The following YWHAG variants were observed in gnomAD, a reference collection of about 807,000 sequenced individuals.
YWHAG encodes tyrosine 3-monooxygenase/tryptophan 5-monooxygenase activation protein gamma.
YWHAG carries 1 observed loss-of-function variant against 23.3 expected under a neutral mutation model. The observed-to-expected ratio is 0.04, with a 90% CI of 0.02 to 0.20. The LOEUF is 0.20. Among genes scored for constraint, YWHAG ranks in the 10% least tolerant of loss-of-function variants. The probability of loss-of-function intolerance (pLI) is 1.00; values close to 1 mark genes in which losing one functional copy is unlikely to be tolerated. For synonymous variants in YWHAG, 160 were observed against 144.0 expected (o/e 1.11, Z -0.80); for missense variants, 151 against 338.6 (o/e 0.45, Z 4.35).
At chr7:76,333,722 T>C (rs935682068) in intron 1 of YWHAG, among the ~76,000 whole-genome samples, 4 of 152,260 alleles carry the variant, frequency 2.6e-5, no homozygotes, top group Admixed American at 2.0e-4. Flanking sequence ...TCTGGCATAC[T>C]TTACTGAGTG....
intron 1 of YWHAG, among the ~76,000 whole-genome samples, chr7:76,342,982 C>T (rs1397605387): frequency 6.6e-6 from 1 of 151,994 alleles, no homozygotes; most frequent in Admixed American, 6.6e-5. Context: ...ACTAAAAATA[C>T]AAAAATTAGC....
chr7:76,352,383 T>G (rs1041895373), intron 1 of YWHAG, among the ~76,000 whole-genome samples: 1 of 151,788 alleles, frequency 6.6e-6, no homozygotes, highest in African/African-American at 2.4e-5. Flanking sequence ...AGGTTGGGGG[T>G]GGATCAGTGA....
intron 1 of YWHAG, among the ~76,000 whole-genome samples, chr7:76,331,850 A>AT (rs991876153): frequency 1.5e-4 from 23 of 151,674 alleles, no homozygotes; most frequent in Non-Finnish European, 2.7e-4. Context: ...AAAAAAAAAA[A>AT]TTTTTTTTCT....
rs200070734 is a variant in YWHAG, at chr7:76,329,180, C to CGA, written c.*395_*396dup. ...CAGATGAGATAGAAAGTACCCAAAA[C>CGA]GAGAGACGAGAGCGTATGTACATAA... On this transcript the variant is annotated 3_prime_UTR_variant, in exon 2 of 2. Transcript: ENST00000307630. This position sits in a 1 kb window ranked among gnomAD's most constrained non-coding sequence, Gnocchi z 6.1. The CGA allele has an allele frequency of 0.014, 2,611 of 183,032 alleles. 41 individuals carry two copies. Among genetic ancestry groups the CGA allele is most frequent in the South Asian group, 0.049 (392 of 8,074 alleles). The allele number at this position is 183,032 out of a possible 1,614,324, so 11.3% of individuals were successfully genotyped here.
intron 1 of YWHAG, among the ~76,000 whole-genome samples, chr7:76,356,089 C>G (rs1258390571): frequency 6.6e-6 from 1 of 152,202 alleles, no homozygotes; most frequent in Non-Finnish European, 1.5e-5. Flanking sequence ...TCATTAAACT[C>G]AAATAAATTT....
intron 1 of YWHAG, among the ~76,000 whole-genome samples, chr7:76,339,868 T>C (rs1209670462): frequency 6.6e-6 from 1 of 152,092 alleles, no homozygotes; most frequent in African/African-American, 2.4e-5. Flanking sequence ...GCGGGTGAAT[T>C]GCCTGAGCTC....
At chr7:76,332,252 A>C (rs995845891) in intron 1 of YWHAG, among the ~76,000 whole-genome samples, 3 of 152,214 alleles carry the variant, frequency 2.0e-5, no homozygotes, top group Non-Finnish European at 4.4e-5. Context: ...GCACTTCTGC[A>C]AACACTCCTC....
chr7:76,343,809 CT>C (rs1340391454), intron 1 of YWHAG, among the ~76,000 whole-genome samples: 2 of 152,172 alleles, frequency 1.3e-5, no homozygotes, highest in Admixed American at 6.5e-5. Flanking sequence ...GTGAAGAAGC[CT>C]GGGTTAACCT....
At chr7:76,346,269 C>G (rs7779014) in intron 1 of YWHAG, among the ~76,000 whole-genome samples, 6 of 151,988 alleles carry the variant, frequency 3.9e-5, no homozygotes, top group African/African-American at 1.5e-4. Flanking sequence ...CCAGTCACTA[C>G]TTAAGTGCCA....
At chr7:76,354,150 G>T (rs1243309768) in intron 1 of YWHAG, among the ~76,000 whole-genome samples, 1 of 151,532 alleles carries the variant, frequency 6.6e-6, no homozygotes, top group African/African-American at 2.4e-5. Context: ...TTCAAAAGAA[G>T]GCAAAGAGAA....
Position 76,329,489 on chromosome 7 carries a change from T to TGCCCCCC in YWHAG, c.*87_*88insGGGGGGC. On this transcript the variant is annotated 3_prime_UTR_variant, in exon 2 of 2. Coordinates refer to ENST00000307630, the MANE Select transcript of YWHAG (RefSeq NM_012479.4). The surrounding 1 kb of genome is among the most constrained non-coding windows in gnomAD (Gnocchi z 6.1). Reference sequence around the variant, plus strand: ...TCCCTGGGAAGGTCATCCCTCCCTTTCCCTCCCCCACCCGACCCCCAACTC... The same window carrying TGCCCCCC: ...TCCCTGGGAAGGTCATCCCTCCCTTTGCCCCCCCCCTCCCCCACCCGACCCCCAACTC... 13 of 1,024,214 alleles carry TGCCCCCC rather than the reference T, an allele frequency of 1.3e-5. No individual in the cohort carries two copies. Among genetic ancestry groups the TGCCCCCC allele is most frequent in the East Asian group, 3.5e-5 (1 of 28,686 alleles). 63.4% of individuals were successfully genotyped at this position (1,024,214 alleles called of 1,614,324 possible). A position where few individuals can be genotyped will look rare whatever the true frequency, so the allele number is the denominator to read the frequency against.
At chr7:76,338,072 T>C (rs1205633704) in intron 1 of YWHAG, among the ~76,000 whole-genome samples, 1 of 152,082 alleles carries the variant, frequency 6.6e-6, no homozygotes, top group Non-Finnish European at 1.5e-5. Flanking sequence ...CCATCTAGTA[T>C]ATACATCACA....
chr7:76,329,548 CCG>C lies in YWHAG; in HGVS notation c.*27_*28del. The C allele has an allele frequency of 7.4e-7, 1 of 1,358,640 alleles. No individual in the cohort carries two copies. Among genetic ancestry groups the C allele is most frequent in the Non-Finnish European group, 9.8e-7 (1 of 1,022,400 alleles). The allele number at this position is 1,358,640 out of a possible 1,614,324, so 84.2% of individuals were successfully genotyped here. A position where few individuals can be genotyped will look rare whatever the true frequency, so the allele number is the denominator to read the frequency against. On this transcript the variant is annotated 3_prime_UTR_variant, in exon 2 of 2. Transcript: ENST00000307630. This position sits in a 1 kb window ranked among gnomAD's most constrained non-coding sequence, Gnocchi z 6.1. ...AAAATAAAGACTGCAGTAGTAGCAT[CCG>C]CGTGCGCTGCCAGTTCCCCTGGGGC...
chr7:76,340,145 T>A lies in YWHAG; in HGVS notation c.88-9912A>T, dbSNP rs184260005. Among the ~76,000 whole-genome samples, 772 of 152,152 alleles carry A rather than the reference T, an allele frequency of 5.1e-3. 6 individuals carry two copies. The highest frequency in any genetic ancestry group is 6.7e-3 in the Non-Finnish European group (452 of 67,968). ...ACAAACAAAAAACAAACAAAAAGGTTACACATGGGATTTGATTGTGCCCCT... is the reference window on the plus strand; with the variant it reads ...ACAAACAAAAAACAAACAAAAAGGTAACACATGGGATTTGATTGTGCCCCT... On this transcript the variant is annotated intron_variant, in intron 1 of 1. Coordinates refer to ENST00000307630, the MANE Select transcript of YWHAG (RefSeq NM_012479.4).
At chr7:76,346,846 G>A (rs1803785856) in intron 1 of YWHAG, among the ~76,000 whole-genome samples, 1 of 152,072 alleles carries the variant, frequency 6.6e-6, no homozygotes, top group Non-Finnish European at 1.5e-5. Context: ...ACCTCAGAAG[G>A]CCCTTCGTGA....
intron 1 of YWHAG, among the ~76,000 whole-genome samples, chr7:76,354,113 G>T (rs1009425177): frequency 6.6e-6 from 1 of 150,754 alleles, no homozygotes. Context: ...TTATAGACTG[G>T]AATATCTGGT....
chr7:76,358,427 A>T (rs1000142507), intron 1 of YWHAG, among the ~76,000 whole-genome samples: 1 of 152,104 alleles, frequency 6.6e-6, no homozygotes. Flanking sequence ...GCACCCCTAG[A>T]GCCGCGGGGG....
chr7:76,358,686 G>A lies in YWHAG; in HGVS notation c.87+36C>T, dbSNP rs200517021. Reference sequence around the variant, plus strand: ...ACGCCAAGGACCGCGTCTTCGGAGGGGCAGGGAGCGGCGGGGGAGGGGAGG... The same window carrying A: ...ACGCCAAGGACCGCGTCTTCGGAGGAGCAGGGAGCGGCGGGGGAGGGGAGG... On this transcript the variant is annotated intron_variant, in intron 1 of 1. Coordinates refer to ENST00000307630, the MANE Select transcript of YWHAG (RefSeq NM_012479.4). 4.9e-5 allele frequency: 75 copies of A among 1,533,698 alleles called. No homozygotes were observed. In the East Asian group the frequency reaches 7.6e-4, roughly 16 times the overall value.
rs1158151013 is a variant in YWHAG at position 76,341,404 on chromosome 7, CAAAAAAAAA to C, written c.88-11180_88-11172del. ...GGGTGACAGGACAAGACTCTTGCCT[CAAAAAAAAA>C]AAAAAAAAAAAAAAAAAGAGAAATC... is the stretch of plus-strand genomic sequence containing the variant. On this transcript the variant is annotated intron_variant, in intron 1 of 1. Coordinates refer to ENST00000307630, the MANE Select transcript of YWHAG (RefSeq NM_012479.4). Among the ~76,000 whole-genome samples, 427 of 44,666 alleles carry C rather than the reference CAAAAAAAAA, an allele frequency of 9.6e-3. 4 individuals carry two copies. Among genetic ancestry groups the C allele is most frequent in the African/African-American group, 0.031 (379 of 12,396 alleles). 29.3% of individuals were successfully genotyped at this position (44,666 alleles called of 152,430 possible).
Sources: allele counts gnomAD v4.1 joint callset (sites outside exome capture counted in the v4.1 genomes callset), GRCh38; gene constraint gnomAD v4.1.1; non-coding constraint Gnocchi (gnomAD v3.1); transcripts MANE v1.5; gene names NCBI Gene and HGNC (gene_info 2026-07-23, HGNC 2026-07-21).